Variants in MAN1A1 observed in about 807,000 individuals in gnomAD.
MAN1A1 encodes mannosyl-oligosaccharide 1,2-alpha-mannosidase IA.
A neutral mutation model predicts 70.8 loss-of-function variants in MAN1A1; 29 were observed. That is an observed-to-expected ratio of 0.41 (90% CI 0.31 to 0.56). The LOEUF (loss-of-function observed/expected upper bound fraction) is 0.56, where lower values mean the gene tolerates loss of function less well. MAN1A1 is among the 20% of genes least tolerant of loss of function. The pLI, the probability that MAN1A1 is intolerant of heterozygous loss-of-function variation, is 0.29. For missense variants in MAN1A1, 747 were observed against 841.3 expected (o/e 0.89, Z 1.39); for synonymous variants, 349 against 330.1 (o/e 1.06, Z -0.62).
At chr6:119,193,159 T>C (rs903601377) in intron 9 of MAN1A1, among the ~76,000 whole-genome samples, 3 of 150,600 alleles carry the variant, frequency 2.0e-5, no homozygotes, top group Middle Eastern at 3.4e-3. Context: ...TAATCTCAAG[T>C]ACTGTGAGAG....
intron 6 of MAN1A1, among the ~76,000 whole-genome samples, chr6:119,233,927 T>C (rs528651131): frequency 3.9e-5 from 6 of 152,352 alleles, no homozygotes; most frequent in Admixed American, 2.6e-4. Flanking sequence ...CACAATACTT[T>C]GTAAAGAGCT....
chr6:119,208,723 C>T (rs1401041868), intron 6 of MAN1A1, among the ~76,000 whole-genome samples: 1 of 152,046 alleles, frequency 6.6e-6, no homozygotes, highest in Non-Finnish European at 1.5e-5. Context: ...TCCTAGAGCC[C>T]GTAATGATTC....
intron 2 of MAN1A1, among the ~76,000 whole-genome samples, chr6:119,322,030 G>C (rs554849666): frequency 6.6e-6 from 1 of 152,140 alleles, no homozygotes; most frequent in Non-Finnish European, 1.5e-5. Flanking sequence ...ACAGCTTCCT[G>C]AGCCAGGCAG....
At chr6:119,194,819 T>TA (rs5879486) in intron 8 of MAN1A1, among the ~76,000 whole-genome samples, 107,834 of 151,234 alleles carry the variant, frequency 0.71, 40,609 homozygotes, top group Non-Finnish European at 0.83. Context: ...AACTGTAGGA[T>TA]AGGTATCTTC....
At chr6:119,256,609 T>C (rs1268609957) in intron 5 of MAN1A1, among the ~76,000 whole-genome samples, 1 of 152,110 alleles carries the variant, frequency 6.6e-6, no homozygotes, top group East Asian at 1.9e-4. Context: ...AGTGTTTCCC[T>C]GAGCATCAGC....
At chr6:119,311,875 C>T (rs949064085) in intron 2 of MAN1A1, among the ~76,000 whole-genome samples, 10 of 152,202 alleles carry the variant, frequency 6.6e-5, no homozygotes, top group African/African-American at 1.7e-4. Flanking sequence ...TTTCACAGAA[C>T]GTGTAAGGCA....
At chr6:119,258,729 A>T (rs1775526201) in intron 5 of MAN1A1, among the ~76,000 whole-genome samples, 1 of 152,164 alleles carries the variant, frequency 6.6e-6, no homozygotes, top group South Asian at 2.1e-4. Context: ...AAATATTTAT[A>T]GTTTAATAAT....
chr6:119,198,534 T>C (rs1205168589), intron 8 of MAN1A1, among the ~76,000 whole-genome samples: 1 of 152,236 alleles, frequency 6.6e-6, no homozygotes, highest in Non-Finnish European at 1.5e-5. Flanking sequence ...CTATATTTAC[T>C]ACATTGGAAA....
chr6:119,187,550 T>C (rs1009122349), intron 11 of MAN1A1, among the ~76,000 whole-genome samples: 2 of 152,246 alleles, frequency 1.3e-5, no homozygotes, highest in Admixed American at 1.3e-4. Context: ...AAGATATTAG[T>C]TAAATTTTAC....
chr6:119,274,963 A>G (rs1236427018), intron 5 of MAN1A1, among the ~76,000 whole-genome samples: 13 of 152,358 alleles, frequency 8.5e-5, no homozygotes, highest in African/African-American at 2.9e-4. Flanking sequence ...CTTAAGTGCA[A>G]TGAATAAATG....
At chr6:119,341,535 GTGT>G (rs1773593186) in intron 2 of MAN1A1, among the ~76,000 whole-genome samples, 2 of 152,166 alleles carry the variant, frequency 1.3e-5, no homozygotes, top group African/African-American at 4.8e-5. Context: ...TATTTCTCAT[GTGT>G]AAAATGAGTA....
intron 2 of MAN1A1, among the ~76,000 whole-genome samples, chr6:119,320,335 C>A (rs1772972933): frequency 6.6e-6 from 1 of 152,110 alleles, no homozygotes; most frequent in Admixed American, 6.5e-5. Context: ...GTTTGAACCA[C>A]CACCAATCAC....
At chr6:119,236,399 C>T (rs1386456366) in intron 6 of MAN1A1, among the ~76,000 whole-genome samples, 1 of 151,996 alleles carries the variant, frequency 6.6e-6, no homozygotes, top group East Asian at 1.9e-4. Flanking sequence ...GTCTGTTCTG[C>T]AACTCATGGA....
At position 119,326,579 on chromosome 6, in the gene MAN1A1, T is replaced by G. The variant is rs77756046; in HGVS notation, c.604-19587A>C. ...TGTTTTCACACTGTTATAAACAACT[T>G]CTGGAGACTAGGTAATTTACAAAGG... On this transcript the variant is annotated intron_variant, in intron 2 of 12. Coordinates refer to ENST00000368468, the MANE Select transcript of MAN1A1 (RefSeq NM_005907.4). Among the ~76,000 whole-genome samples the G allele has an allele frequency of 5.9e-3, 897 of 152,284 alleles. 31 individuals carry two copies. The East Asian group carries it at 0.091, about 15-fold the overall frequency.
At chr6:119,282,670 T>G (rs533732305) in intron 5 of MAN1A1, among the ~76,000 whole-genome samples, 4 of 152,154 alleles carry the variant, frequency 2.6e-5, no homozygotes, top group Admixed American at 1.3e-4. Flanking sequence ...TGCCAAATAG[T>G]AAATTAACAT....
chr6:119,300,384 T>G (rs549159083), intron 4 of MAN1A1, among the ~76,000 whole-genome samples: 8 of 151,800 alleles, frequency 5.3e-5, no homozygotes, highest in African/African-American at 1.9e-4. Context: ...GCCTCCTGAG[T>G]AGCTGGGATT....
intron 6 of MAN1A1, among the ~76,000 whole-genome samples, chr6:119,209,608 T>C (rs1212088382): frequency 6.6e-6 from 1 of 152,192 alleles, no homozygotes; most frequent in Non-Finnish European, 1.5e-5. Flanking sequence ...GAAAGAATAA[T>C]CAGAAATTTC....
chr6:119,227,778 A>C (rs771016486), intron 6 of MAN1A1, among the ~76,000 whole-genome samples: 3 of 152,190 alleles, frequency 2.0e-5, no homozygotes, highest in Non-Finnish European at 4.4e-5. Flanking sequence ...CTGTTTTTTA[A>C]AAATGAGAAT....
At chr6:119,316,435 G>A (rs1772857688) in intron 2 of MAN1A1, among the ~76,000 whole-genome samples, 1 of 151,878 alleles carries the variant, frequency 6.6e-6, no homozygotes, top group African/African-American at 2.4e-5. Context: ...CAAAATGCTG[G>A]GATTACAGGA....
Sources: gnomAD v4.1 joint callset for allele counts (sites outside exome capture counted in the v4.1 genomes callset) on GRCh38, gnomAD v4.1.1 for gene constraint, MANE v1.5 for transcripts, NCBI Gene and HGNC (gene_info 2026-07-23, HGNC 2026-07-21) for gene names.